ZMIZ2: variants seen among roughly 807,000 people sequenced by gnomAD.
ZMIZ2 encodes zinc finger MIZ-type containing 2, also known as zinc finger MIZ domain-containing protein 2.
In ZMIZ2, 26 loss-of-function variants were observed where a neutral mutation model predicts 93.9. The ratio of observed to expected loss-of-function variants is 0.28; its 90% confidence interval spans 0.20 to 0.38. ZMIZ2 has a LOEUF of 0.38. Ranked by LOEUF, ZMIZ2 falls within the 10% of genes least tolerant of loss-of-function variation. The pLI, the probability that ZMIZ2 is intolerant of heterozygous loss-of-function variation, is 1.00. For missense variants in ZMIZ2, 1,023 were observed against 1,235.0 expected (o/e 0.83, Z 2.57); for synonymous variants, 485 against 516.4 (o/e 0.94, Z 0.82).
rs534875568 is a variant in ZMIZ2, at chr7:44,768,002, A to G, written c.*379A>G. ...CCACCCAGCCTGCTTCTTGTCCAGC[A>G]TTGATCCTTCTGTTTCAACAACTCC... On this transcript the variant is annotated 3_prime_UTR_variant, in exon 19 of 19. Coordinates refer to ENST00000309315, the MANE Select transcript of ZMIZ2 (RefSeq NM_031449.4). 14 of 313,212 alleles carry G rather than the reference A, an allele frequency of 4.5e-5. No homozygotes were observed. Among genetic ancestry groups the G allele is most frequent in the African/African-American group, 2.6e-4 (12 of 46,120 alleles). The allele number at this position is 313,212 out of a possible 1,614,324, so 19.4% of individuals were successfully genotyped here.
rs766084307 is a variant in ZMIZ2 at position 44,760,227 on chromosome 7, G to A, written c.1070G>A (p.Gly357Glu). Residue 357 changes from glycine (G) to glutamate (E), a missense_variant and splice_region_variant, in exon 8 of 19, where the codon GGG (glycine) becomes GAG (glutamate). Transcript: ENST00000309315. The stretch of plus-strand genomic sequence containing the variant: ...AGCTACAGCCAACCTGGCCTGAGTG[G>A]GGTAGGGGGCCTGGCCGGGAGGATG... ...SVSYSQPGLS[G>E]PTRSIPGYPS... is the part of the protein sequence containing the mutation. The A allele has an allele frequency of 4.3e-6, 7 of 1,611,652 alleles. No homozygotes were observed. Among genetic ancestry groups the A allele is most frequent in the Non-Finnish European group, 5.9e-6 (7 of 1,178,832 alleles).
Position 44,767,508 on chromosome 7 carries a change from G to T in ZMIZ2, c.2656-8G>T, listed in dbSNP as rs1463382876. ...CAAAGCTGCTAACAGAGTTCACTTT[G>T]TCCTCAGCTGCTCCCGGAACTGACC... On this transcript the variant is annotated splice_region_variant and splice_polypyrimidine_tract_variant and intron_variant, in intron 18 of 18. Transcript: ENST00000309315. 1.9e-6 allele frequency: 3 copies of T among 1,612,694 alleles called. No individual in the cohort carries two copies. The highest frequency in any genetic ancestry group is 1.3e-5 in the African/African-American group (1 of 74,868).
rs774642463 is a variant in ZMIZ2, at chr7:44,757,133, C to A, written c.352C>A (p.Pro118Thr). 1 of 1,594,290 alleles carries A rather than the reference C, an allele frequency of 6.3e-7. No individual in the cohort carries two copies. The highest frequency in any genetic ancestry group is 8.5e-7 in the Non-Finnish European group (1 of 1,175,858). Residue 118 changes from proline (P) to threonine (T), a missense_variant, in exon 4 of 19, where the codon CCC becomes ACC. Pro to Thr is a conservative substitution (Grantham distance 38). This residue lies in a region of ZMIZ2 where 656 missense variants were observed against 777.1 expected (regional missense o/e 0.84). Transcript: ENST00000309315. Reference sequence around the variant, plus strand: ...CAGCCGCGGGGGCTACCCTGGGGCCCCCGGCTTCACCACCGGGTAAGCAAG... The same window carrying A: ...CAGCCGCGGGGGCTACCCTGGGGCCACCGGCTTCACCACCGGGTAAGCAAG... ...VYSRGGYPGA[P>T]GFTTGYAGGP...
At chr7:44,762,415 G>C (rs906106254) in intron 11 of ZMIZ2, among the ~76,000 whole-genome samples, 1 of 152,264 alleles carries the variant, frequency 6.6e-6, no homozygotes, top group Admixed American at 6.5e-5. Context: ...CCTTGGGCTA[G>C]AGAAGAAAGA....
chr7:44,756,813 C>T, intron 3 of ZMIZ2, 134 bp from the exon 4 acceptor site: 1 of 1,123,610 alleles, frequency 8.9e-7, no homozygotes, highest in South Asian at 1.4e-5. Flanking sequence ...TTCCCTGCTT[C>T]CCGTGCTATA....
intron 11 of ZMIZ2, 138 bp downstream of exon 11, chr7:44,762,043 T>G (rs970197711): frequency 1.4e-5 from 16 of 1,155,634 alleles, no homozygotes; most frequent in Non-Finnish European, 1.7e-5. Flanking sequence ...AGCCAGGACA[T>G]GGGCGGGCCG....
chr7:44,761,988 G>A lies in ZMIZ2; in HGVS notation c.1596+83G>A. On this transcript the variant is annotated intron_variant, in intron 11 of 18. Coordinates refer to ENST00000309315, the MANE Select transcript of ZMIZ2 (RefSeq NM_031449.4). This position sits in a 1 kb window ranked among gnomAD's most constrained non-coding sequence, Gnocchi z 5.8. ...CTGGCCCAGCGGTGCCGTGGGGTGGGGCGGGGTGTGGGCGGGGCCTGGCCC... is the reference window on the plus strand; with the variant it reads ...CTGGCCCAGCGGTGCCGTGGGGTGGAGCGGGGTGTGGGCGGGGCCTGGCCC... 2 of 1,389,886 alleles carry A rather than the reference G, an allele frequency of 1.4e-6. No individual in the cohort carries two copies. Among genetic ancestry groups the A allele is most frequent in the African/African-American group, 1.5e-5 (1 of 68,532 alleles). 86.1% of individuals were successfully genotyped at this position (1,389,886 alleles called of 1,614,324 possible). A position where few individuals can be genotyped will look rare whatever the true frequency, so the allele number is the denominator to read the frequency against.
Position 44,758,026 on chromosome 7 carries a change from A to C in ZMIZ2, c.731A>C (p.Gln244Pro), listed in dbSNP as rs1292546890. The part of the protein sequence containing the change: ...AAGMTPLYAG[Q>P]RLPQHGYPGP... ...GGAATGACACCCTTGTATGCAGGGC[A>C]GCGTCTGCCCCAACATGGGTATCCT... is the stretch of plus-strand genomic sequence containing the variant. Residue 244 changes from glutamine (Q) to proline (P), a missense_variant, in exon 6 of 19, where the codon CAG (glutamine) becomes CCG (proline). Gln to Pro is a moderately conservative substitution (Grantham distance 76, BLOSUM62 -1). Coordinates refer to ENST00000309315, the MANE Select transcript of ZMIZ2 (RefSeq NM_031449.4). The C allele has an allele frequency of 6.2e-7, 1 of 1,611,176 alleles. No individual in the cohort carries two copies. Among genetic ancestry groups the C allele is most frequent in the Non-Finnish European group, 8.5e-7 (1 of 1,178,842 alleles).
At position 44,757,963 on chromosome 7, in the gene ZMIZ2, G is replaced by A. The variant is rs369618695; in HGVS notation, c.668G>A (p.Gly223Asp). 1 of 1,612,538 alleles carries A rather than the reference G, an allele frequency of 6.2e-7. No homozygotes were observed. The highest frequency in any genetic ancestry group is 8.5e-7 in the Non-Finnish European group (1 of 1,179,360). Reference protein sequence around the residue: ...TGIGGVMGPSGLSPLAMNPTR... With the variant: ...TGIGGVMGPSDLSPLAMNPTR... ...ATAGGAGGGGTAATGGGCCCCTCTG[G>A]CCTCTCCCCCTTGGCTATGAACCCC... The change falls in exon 6 of 19, where the codon GGC becomes GAC. Residue 223 changes from glycine (G) to aspartate (D), a missense_variant. By Grantham distance (94) the Gly-to-Asp change is moderately conservative (BLOSUM62 -1). Coordinates refer to ENST00000309315, the MANE Select transcript of ZMIZ2 (RefSeq NM_031449.4).
Position 44,757,060 on chromosome 7 carries a change from G to T in ZMIZ2, c.279G>T (p.Ala93=). The change falls in exon 4 of 19, where the codon GCG becomes GCT. Residue 93 remains alanine, a synonymous_variant. Transcript: ENST00000309315. ...CCCCACAGTGCCTGGGACAGCAGGCGTTTGCTGAAGGCGGCGCCAACAAGG... is the reference window on the plus strand; with the variant it reads ...CCCCACAGTGCCTGGGACAGCAGGCTTTTGCTGAAGGCGGCGCCAACAAGG... ...LTSPQCLGQQ[A]FAEGGANKGY... The T allele has an allele frequency of 6.2e-7, 1 of 1,608,930 alleles. No individual in the cohort carries two copies. The highest frequency in any genetic ancestry group is 1.3e-5 in the African/African-American group (1 of 74,788).
At position 44,763,558 on chromosome 7, in the gene ZMIZ2, G is replaced by A; in HGVS notation, c.1860+145G>A. ...AGGACAGGCCTCCCACGCCAAGGAG[G>A]CAGGTGGGCCTGGCTCCCCCAAGAC... On this transcript the variant is annotated intron_variant, in intron 13 of 18. Coordinates refer to ENST00000309315, the MANE Select transcript of ZMIZ2 (RefSeq NM_031449.4). The surrounding 1 kb of genome is among the most constrained non-coding windows in gnomAD (Gnocchi z 5.6). 8.5e-7 allele frequency: 1 copy of A among 1,170,228 alleles called. No individual in the cohort carries two copies. Among genetic ancestry groups the A allele is most frequent in the South Asian group, 1.7e-5 (1 of 60,458 alleles). The allele number at this position is 1,170,228 out of a possible 1,614,324, so 72.5% of individuals were successfully genotyped here. A position where few individuals can be genotyped will look rare whatever the true frequency, so the allele number is the denominator to read the frequency against.
In ZMIZ2 at chr7:44,758,782, C is replaced by T. The variant is rs553625693; in HGVS notation, c.814-499C>T. Reference sequence around the variant, plus strand: ...AAAAAGCATTAGCCGGGTGTGGTGGCGGGCGCCTGCAGTCCCAGCTACTTG... The same window carrying T: ...AAAAAGCATTAGCCGGGTGTGGTGGTGGGCGCCTGCAGTCCCAGCTACTTG... On this transcript the variant is annotated intron_variant, in intron 6 of 18. Coordinates refer to ENST00000309315, the MANE Select transcript of ZMIZ2 (RefSeq NM_031449.4). Among the ~76,000 whole-genome samples, 96 of 151,678 alleles carry T rather than the reference C, an allele frequency of 6.3e-4. No homozygotes were observed. The South Asian group carries it at 0.019, about 30-fold the overall frequency.
rs115365355 is a variant in ZMIZ2, at chr7:44,756,676, G to T, written c.165+137G>T. On this transcript the variant is annotated intron_variant, in intron 3 of 18. Coordinates refer to ENST00000309315, the MANE Select transcript of ZMIZ2 (RefSeq NM_031449.4). ...GAGAGGCTGAGGCATGACATATGAG[G>T]ATGGGGCCTCCTGAGTCCCCTAAGT... is the stretch of plus-strand genomic sequence containing the variant. 201 of 942,624 alleles carry T rather than the reference G, an allele frequency of 2.1e-4. 1 individual carries two copies. In the African/African-American group the frequency reaches 3.1e-3, roughly 15 times the overall value. 58.4% of individuals were successfully genotyped at this position (942,624 alleles called of 1,614,324 possible).
At chr7:44,754,636 C>T (rs914908850) in intron 1 of ZMIZ2, among the ~76,000 whole-genome samples, 1 of 152,152 alleles carries the variant, frequency 6.6e-6, no homozygotes, top group African/African-American at 2.4e-5. Context: ...GTGAGGCCCT[C>T]GGTCAGCACA....
chr7:44,763,488 C>T lies in ZMIZ2; in HGVS notation c.1860+75C>T. On this transcript the variant is annotated intron_variant, in intron 13 of 18. Coordinates refer to ENST00000309315, the MANE Select transcript of ZMIZ2 (RefSeq NM_031449.4). This position sits in a 1 kb window ranked among gnomAD's most constrained non-coding sequence, Gnocchi z 5.6. ...CTTGAGTCGATACATCAGTGTCATT[C>T]TCTGGACAGACGTGAACTCCGAGTG... 3 of 1,571,736 alleles carry T rather than the reference C, an allele frequency of 1.9e-6. No individual in the cohort carries two copies. The highest frequency in any genetic ancestry group is 2.3e-5 in the East Asian group (1 of 44,244).
chr7:44,766,140 C>G lies in ZMIZ2; in HGVS notation c.2243-24C>G, dbSNP rs1791682226. On this transcript the variant is annotated intron_variant, in intron 16 of 18. Transcript: ENST00000309315. The surrounding 1 kb of genome is among the most constrained non-coding windows in gnomAD (Gnocchi z 4.4). ...GCGGTGGCCTTCCCCAGCCCTCACC[C>G]AGGCCCCGACTCTCCTCTCACAGGT... The G allele has an allele frequency of 6.3e-7, 1 of 1,593,390 alleles. No individual in the cohort carries two copies. The highest frequency in any genetic ancestry group is 8.5e-7 in the Non-Finnish European group (1 of 1,171,662).
intron 8 of ZMIZ2, 29 bp downstream of exon 8, chr7:44,760,257 G>C (rs753998721): frequency 6.2e-7 from 1 of 1,600,966 alleles, no homozygotes; most frequent in African/African-American, 1.3e-5. Flanking sequence ...AGGATGGGCC[G>C]GGAGGCTCAC....
intron 6 of ZMIZ2, 150 bp from the exon 7 acceptor site, chr7:44,759,130 GC>G: frequency 2.0e-6 from 1 of 508,632 alleles, no homozygotes; most frequent in Non-Finnish European, 3.3e-6. Flanking sequence ...TGTGAGAACT[GC>G]CTGTGCCTGA....
chr7:44,764,353 A>G, intron 13 of ZMIZ2, 66 bp from the exon 14 acceptor site: 1 of 1,494,046 alleles, frequency 6.7e-7, no homozygotes, highest in South Asian at 1.1e-5. Context: ...AAGGGATTGC[A>G]GAGTGACCAG....
Sources: allele counts gnomAD v4.1 joint callset (sites outside exome capture counted in the v4.1 genomes callset), GRCh38; gene constraint gnomAD v4.1.1; regional missense constraint gnomAD v4.1.1; non-coding constraint Gnocchi (gnomAD v3.1); transcripts MANE v1.5; gene names NCBI Gene and HGNC (gene_info 2026-07-23, HGNC 2026-07-21).